Variants in TNNI1 observed in about 807,000 individuals in gnomAD.
TNNI1 encodes troponin I1, slow skeletal type, also known as troponin I, slow skeletal muscle.
Under a neutral mutation model 26.7 loss-of-function variants are expected in TNNI1, and 14 were observed. The ratio of observed to expected loss-of-function variants is 0.52; its 90% CI spans 0.35 to 0.82. The LOEUF (loss-of-function observed/expected upper bound fraction) is 0.82, where lower values mean the gene tolerates loss of function less well. TNNI1 is among the 40% of genes least tolerant of loss of function. The pLI, the probability that TNNI1 is intolerant of heterozygous loss-of-function variation, is 0.01. For synonymous variants in TNNI1, 79 were observed against 98.2 expected, an observed-to-expected ratio of 0.80 and a Z score of 1.16; for missense variants, 164 against 257.0, an observed-to-expected ratio of 0.64 and a Z score of 2.47.
At chr1:201,416,854 C>T (rs192959562) in intron 3 of TNNI1, among the ~76,000 whole-genome samples, 2 of 152,304 alleles carry the variant, frequency 1.3e-5, no homozygotes, top group African/African-American at 4.8e-5. Context: ...TCACACCCAA[C>T]CCTGCTGCAA....
intron 5 of TNNI1, 35 bp downstream of exon 5, chr1:201,414,483 G>C (rs771766925): frequency 6.6e-7 from 1 of 1,512,624 alleles, no homozygotes; most frequent in South Asian, 1.3e-5. Context: ...AGCACCTCCA[G>C]CCCCACCCTG....
In TNNI1 at chr1:201,411,792, CTCA is replaced by C. The variant is rs1315924896; in HGVS notation, c.280-262_280-260del. Among the ~76,000 whole-genome samples, 1 of 152,186 alleles carries C rather than the reference CTCA, an allele frequency of 6.6e-6. No individual in the cohort carries two copies. The highest frequency in any genetic ancestry group is 1.5e-5 in the Non-Finnish European group (1 of 68,030). On this transcript the variant is annotated intron_variant, in intron 6 of 8. Coordinates refer to ENST00000361379, the MANE Select transcript of TNNI1 (RefSeq NM_003281.4). The surrounding 1 kb of genome is among the most constrained non-coding windows in gnomAD (Gnocchi z 4.6). ...CAGACCATCAGGCATGAGTTTGATT[CTCA>C]TAAGGAGCGTGCAACCTAGATCCCT...
Position 201,413,089 on chromosome 1 carries a change from C to T in TNNI1, c.222G>A (p.Glu74=), listed in dbSNP as rs956135288. 18 of 1,614,026 alleles carry T rather than the reference C, an allele frequency of 1.1e-5. No individual in the cohort carries two copies. Among genetic ancestry groups the T allele is most frequent in the Non-Finnish European group, 1.4e-5 (16 of 1,179,988 alleles). The part of the protein sequence containing the change: ...DLCRELHAKV[E]VVDEERYDIE... ...TGTCGTATCGCTCCTCATCCACCAC[C>T]TCCACCTTGGCGTGCAGCTCCCGGC... Residue 74 remains glutamate (E), a synonymous_variant, in exon 6 of 9, where the codon GAG becomes GAA. Coordinates refer to ENST00000361379, the MANE Select transcript of TNNI1 (RefSeq NM_003281.4).
At chr1:201,412,216 C>T (rs189851910) in intron 6 of TNNI1, among the ~76,000 whole-genome samples, 30 of 152,292 alleles carry the variant, frequency 2.0e-4, no homozygotes, top group Non-Finnish European at 3.5e-4. Flanking sequence ...GCAGCCTCAT[C>T]CCTGCTTCTA....
intron 5 of TNNI1, 23 bp from the exon 6 acceptor site, chr1:201,413,144 G>T: frequency 6.2e-7 from 1 of 1,613,324 alleles, no homozygotes; most frequent in Non-Finnish European, 8.5e-7. Flanking sequence ...GATGGATCAT[G>T]CAGGTGTGAA....
rs1221080213 is a variant in TNNI1 at position 201,411,660 on chromosome 1, A to G, written c.280-127T>C. The G allele has an allele frequency of 5.1e-6, 5 of 989,544 alleles. No individual in the cohort carries two copies. The highest frequency in any genetic ancestry group is 5.6e-6 in the Non-Finnish European group (4 of 717,326). The allele number at this position is 989,544 out of a possible 1,614,324, so 61.3% of individuals were successfully genotyped here. A position where few individuals can be genotyped will look rare whatever the true frequency, so the allele number is the denominator to read the frequency against. ...TTAAATTGTCCACCCTTGAAGCCAG[A>G]CCTATCAGCAGTCACCAACCTTTTT... On this transcript the variant is annotated intron_variant, in intron 6 of 8. Coordinates refer to ENST00000361379, the MANE Select transcript of TNNI1 (RefSeq NM_003281.4). This position sits in a 1 kb window ranked among gnomAD's most constrained non-coding sequence, Gnocchi z 4.6.
rs1049782075 is a variant in TNNI1, at chr1:201,406,850, T to A, written c.*2403A>T. ...CCTCACAGGAGATGAATTAGGTCTG[T>A]TGCTGCCTGGAAGCAGAAGGAGGAA... On this transcript the variant is annotated 3_prime_UTR_variant, in exon 9 of 9. Transcript: ENST00000361379. The A allele has an allele frequency of 6.6e-6, 1 of 152,372 alleles. No homozygotes were observed. The highest frequency in any genetic ancestry group is 1.5e-5 in the Non-Finnish European group (1 of 68,136). The allele number at this position is 152,372 out of a possible 1,614,324, so 9.4% of individuals were successfully genotyped here. A position where few individuals can be genotyped will look rare whatever the true frequency, so the allele number is the denominator to read the frequency against.
At chr1:201,410,484 C>T (rs777237499) in intron 7 of TNNI1, 49 bp from the exon 8 acceptor site, 18 of 1,540,538 alleles carry the variant, frequency 1.2e-5, no homozygotes, top group Middle Eastern at 3.4e-4. Context: ...CTGGACGGCC[C>T]CCCAGCTCAA....
At chr1:201,417,865 G>A (rs1023455559) in intron 1 of TNNI1, 53 bp from the exon 2 acceptor site, 2 of 1,274,286 alleles carry the variant, frequency 1.6e-6, no homozygotes, top group East Asian at 5.7e-5. Flanking sequence ...CCCTGCCCCT[G>A]CCCAGCTGGG....
At position 201,415,232 on chromosome 1, in the gene TNNI1, GA is replaced by G. The variant is rs1458132219; in HGVS notation, c.37del (p.Ser13ProfsTer6). On this transcript the variant is annotated frameshift_variant, in exon 4 of 9. Transcript: ENST00000361379. LOFTEE classifies it high-confidence loss of function. Reference sequence around the variant, plus strand: ...CCTCACCTTCAGCAAGAGTTTGCGGGAGGCAGTGATCTTGGGTTTTCTCTGT... The same window carrying G: ...CCTCACCTTCAGCAAGAGTTTGCGGGGGCAGTGATCTTGGGTTTTCTCTGT... ...EVERKPKITASRKLLLKSLML... is the reference protein window; with the variant it reads ...EVERKPKITAXRKLLLKSLML... The G allele has an allele frequency of 1.9e-6, 3 of 1,614,130 alleles. No homozygotes were observed. The highest frequency in any genetic ancestry group is 2.2e-5 in the South Asian group (2 of 91,050).
At position 201,414,536 on chromosome 1, in the gene TNNI1, C is replaced by A; in HGVS notation, c.171G>T (p.Leu57=). 1 of 1,604,556 alleles carries A rather than the reference C, an allele frequency of 6.2e-7. No homozygotes were observed. The highest frequency in any genetic ancestry group is 2.2e-5 in the East Asian group (1 of 44,618). Residue 57 remains leucine (L), a synonymous_variant, in exon 5 of 9, where the codon CTG becomes CTT. Transcript: ENST00000361379. ...GGCTAACCTGCAGGGCACTGAGGGA[C>A]AGGCCACGGGTCTGCAGCGTGGGGA... ...ERIPTLQTRG[L]SLSALQDLCR...
At position 201,408,194 on chromosome 1, in the gene TNNI1, G is replaced by A. The variant is rs562676141; in HGVS notation, c.*1059C>T. The A allele has an allele frequency of 6.5e-6, 1 of 152,718 alleles. No individual in the cohort carries two copies. The highest frequency in any genetic ancestry group is 1.9e-4 in the East Asian group (1 of 5,196). 9.5% of individuals were successfully genotyped at this position (152,718 alleles called of 1,614,324 possible). On this transcript the variant is annotated 3_prime_UTR_variant, in exon 9 of 9. Transcript: ENST00000361379. The stretch of plus-strand genomic sequence containing the variant: ...TGCTCTCACCAGGCTTTGGACCCAG[G>A]AGGTAGTGGGATGGAGAAAGGACCT...
At chr1:201,410,194 A>T in intron 8 of TNNI1, 132 bp downstream of exon 8, 1 of 717,464 alleles carries the variant, frequency 1.4e-6, no homozygotes, top group Non-Finnish European at 2.4e-6. Context: ...GCCGACTCAA[A>T]TCAGTCTCAT....
In TNNI1 at chr1:201,411,553, G is replaced by T; in HGVS notation, c.280-20C>A. 1.3e-6 allele frequency: 2 copies of T among 1,539,834 alleles called. No individual in the cohort carries two copies. Among genetic ancestry groups the T allele is most frequent in the Non-Finnish European group, 1.7e-6 (2 of 1,147,136 alleles). ...CTTAATCTGTAGGTGAGAAGCGCCC[G>T]GGGCTCACTGGAGAGGCAGCTAGCC... On this transcript the variant is annotated intron_variant, in intron 6 of 8. Coordinates refer to ENST00000361379, the MANE Select transcript of TNNI1 (RefSeq NM_003281.4). This position sits in a 1 kb window ranked among gnomAD's most constrained non-coding sequence, Gnocchi z 4.6.
At chr1:201,414,855 G>A (rs1282890667) in intron 4 of TNNI1, among the ~76,000 whole-genome samples, 19 of 152,246 alleles carry the variant, frequency 1.2e-4, no homozygotes. Flanking sequence ...GTTTTCCCCG[G>A]ACAGTCTTCC....
chr1:201,417,390 G>A (rs113003629), intron 2 of TNNI1, among the ~76,000 whole-genome samples: 13 of 152,290 alleles, frequency 8.5e-5, no homozygotes, highest in African/African-American at 3.1e-4. Context: ...GACAAGTGGT[G>A]GAAGGGGAGG....
intron 1 of TNNI1, among the ~76,000 whole-genome samples, chr1:201,420,947 T>C (rs1041777359): frequency 1.3e-5 from 2 of 152,098 alleles, no homozygotes; most frequent in African/African-American, 4.8e-5. Flanking sequence ...TGCCCTGGCT[T>C]ATGTGTTCAC....
intron 4 of TNNI1, 44 bp downstream of exon 4, chr1:201,415,169 T>C (rs1392362743): frequency 3.2e-6 from 5 of 1,555,838 alleles, no homozygotes; most frequent in Non-Finnish European, 4.4e-6. Flanking sequence ...GCTGCCCCTC[T>C]GCCTCCCACT....
At chr1:201,410,279 C>T (rs1441148895) in intron 8 of TNNI1, 47 bp downstream of exon 8, 12 of 1,560,100 alleles carry the variant, frequency 7.7e-6, no homozygotes, top group African/African-American at 2.7e-5. Flanking sequence ...CCTCATTATC[C>T]TCTAGACTCT....
Sources: gnomAD v4.1 joint callset for allele counts (sites outside exome capture counted in the v4.1 genomes callset) on GRCh38, gnomAD v4.1.1 for gene constraint, Gnocchi (gnomAD v3.1) non-coding constraint, MANE v1.5 for transcripts, NCBI Gene and HGNC (gene_info 2026-07-23, HGNC 2026-07-21) for gene names.